The following ZMIZ2 variants were observed in gnomAD, a reference collection of about 807,000 sequenced individuals.
ZMIZ2 encodes the protein zinc finger MIZ domain-containing protein 2.
In ZMIZ2, 26 loss-of-function variants were observed where a neutral mutation model predicts 93.9. The observed-to-expected ratio is 0.28, with a 90% CI of 0.20 to 0.38. The LOEUF is 0.38. Among genes scored for constraint, ZMIZ2 ranks in the 10% least tolerant of loss-of-function variants. The probability of loss-of-function intolerance (pLI) is 1.00; values close to 1 mark genes in which losing one functional copy is unlikely to be tolerated. For missense variants in ZMIZ2, 1,023 were observed against 1,235.0 expected (o/e 0.83, Z 2.57); for synonymous variants, 485 against 516.4 (o/e 0.94, Z 0.82).
At chr7:44,750,322 C>G (rs778352849) in intron 1 of ZMIZ2, among the ~76,000 whole-genome samples, 1 of 152,196 alleles carries the variant, frequency 6.6e-6, no homozygotes, top group Non-Finnish European at 1.5e-5. Flanking sequence ...CTTAGCCCCA[C>G]GCTTAGACAT....
chr7:44,766,216 G>A lies in ZMIZ2; in HGVS notation c.2295G>A (p.Thr765=), dbSNP rs756992774. 5 of 745,104 alleles carry A rather than the reference G, an allele frequency of 6.7e-6. No individual in the cohort carries two copies. Among genetic ancestry groups the A allele is most frequent in the East Asian group, 9.1e-5 (2 of 22,038 alleles). 46.2% of individuals were successfully genotyped at this position (745,104 alleles called of 1,614,324 possible). A position where few individuals can be genotyped will look rare whatever the true frequency, so the allele number is the denominator to read the frequency against. The change falls in exon 17 of 19, where the codon ACG becomes ACA. Residue 765 remains threonine, a synonymous_variant. Coordinates refer to ENST00000309315, the MANE Select transcript of ZMIZ2 (RefSeq NM_031449.4). This position sits in a 1 kb window ranked among gnomAD's most constrained non-coding sequence, Gnocchi z 4.4. ...TCCCTGAGTCCTTCCCACCCACCAC[G>A]CCCAGCACCCCAACCCTTGCTGAGT... ...GTFPESFPPT[T]PSTPTLAEFT...
intron 1 of ZMIZ2, among the ~76,000 whole-genome samples, chr7:44,753,433 C>A (rs952768339): frequency 5.3e-5 from 8 of 151,938 alleles, no homozygotes; most frequent in African/African-American, 1.9e-4. Context: ...CTTGAGGAGT[C>A]GGGGGTCTCA....
At chr7:44,764,195 G>A (rs575011529) in intron 13 of ZMIZ2, among the ~76,000 whole-genome samples, 2 of 152,302 alleles carry the variant, frequency 1.3e-5, no homozygotes, top group East Asian at 1.9e-4. Flanking sequence ...ACAGCTGCCC[G>A]ATGCTTGCTT....
intron 6 of ZMIZ2, among the ~76,000 whole-genome samples, 193 bp downstream of exon 6, chr7:44,758,301 G>A (rs1790797591): frequency 6.6e-6 from 1 of 152,018 alleles, no homozygotes; most frequent in Admixed American, 6.6e-5. Flanking sequence ...GCAACATGGC[G>A]AAACCGTGTC....
chr7:44,768,174 T>C lies in ZMIZ2; in HGVS notation c.*551T>C, dbSNP rs565274523. The C allele has an allele frequency of 1.3e-3, 206 of 161,816 alleles. 2 individuals carry two copies. The highest frequency in any genetic ancestry group is 2.0e-4 in the Non-Finnish European group (15 of 74,002). The allele number at this position is 161,816 out of a possible 1,614,324, so 10.0% of individuals were successfully genotyped here. On this transcript the variant is annotated 3_prime_UTR_variant, in exon 19 of 19. Transcript: ENST00000309315. ...GCCTGGAGCTCTGGCAGCCCAGCCG[T>C]GTGTGGTGTCAGGTTCCTCTCCCCA... is the stretch of plus-strand genomic sequence containing the variant.
At chr7:44,758,645 G>A (rs1469354909) in intron 6 of ZMIZ2, among the ~76,000 whole-genome samples, 2 of 151,824 alleles carry the variant, frequency 1.3e-5, no homozygotes, top group African/African-American at 4.8e-5. Context: ...GGGCGCGGTG[G>A]CTCACGCCTG....
At chr7:44,752,687 T>C (rs1244890922) in intron 1 of ZMIZ2, among the ~76,000 whole-genome samples, 1 of 152,222 alleles carries the variant, frequency 6.6e-6, no homozygotes, top group Non-Finnish European at 1.5e-5. Context: ...GTTGCATATA[T>C]CAGTAGTTCA....
intron 7 of ZMIZ2, chr7:44,759,903 C>T (rs941741195): frequency 1.1e-5 from 6 of 554,842 alleles, no homozygotes; most frequent in East Asian, 3.3e-5. Flanking sequence ...CTGGGTGCGC[C>T]GGGTGGTGCA....
chr7:44,765,442 G>A lies in ZMIZ2; in HGVS notation c.2105G>A (p.Arg702His), dbSNP rs535580978. 126 of 1,608,752 alleles carry A rather than the reference G, an allele frequency of 7.8e-5. No homozygotes were observed. Among genetic ancestry groups the A allele is most frequent in the Non-Finnish European group, 9.7e-5 (114 of 1,179,920 alleles). ...KEEPDGPALK[R>H]CRTVSPAHVL... is the part of the protein sequence containing the mutation. ...GAGCCGGATGGGCCAGCACTGAAGC[G>A]CTGCCGCACCGTGAGCCCCGCCCAC... The change falls in exon 16 of 19, where the codon CGC (arginine) becomes CAC (histidine). Residue 702 changes from arginine to histidine, a missense_variant. By Grantham distance (29) the Arg-to-His change is conservative. Transcript: ENST00000309315. This position sits in a 1 kb window ranked among gnomAD's most constrained non-coding sequence, Gnocchi z 4.1.
rs1046380424 is a variant in ZMIZ2 at position 44,765,950 on chromosome 7, G to T, written c.2243-214G>T. 5 of 1,400,458 alleles carry T rather than the reference G, an allele frequency of 3.6e-6. No individual in the cohort carries two copies. The African/African-American group carries it at 7.3e-5, about 20-fold the overall frequency. 86.8% of individuals were successfully genotyped at this position (1,400,458 alleles called of 1,614,324 possible). Reference sequence around the variant, plus strand: ...GGCTGCTCCCATTCCTATAACCTCCGAGACCTTCACTCCTAGGAATGTCCC... The same window carrying T: ...GGCTGCTCCCATTCCTATAACCTCCTAGACCTTCACTCCTAGGAATGTCCC... On this transcript the variant is annotated intron_variant, in intron 16 of 18. Transcript: ENST00000309315. The surrounding 1 kb of genome is among the most constrained non-coding windows in gnomAD (Gnocchi z 4.1).
At chr7:44,749,658 C>T (rs752679583) in intron 1 of ZMIZ2, among the ~76,000 whole-genome samples, 2 of 152,218 alleles carry the variant, frequency 1.3e-5, no homozygotes, top group Non-Finnish European at 2.9e-5. Context: ...GCGGCACCCC[C>T]ACCCGGTGCC....
rs201213111 is a variant in ZMIZ2 at position 44,756,437 on chromosome 7, C to T, written c.63C>T (p.Phe21=). 19 of 1,614,046 alleles carry T rather than the reference C, an allele frequency of 1.2e-5. No homozygotes were observed. The highest frequency in any genetic ancestry group is 1.6e-4 in the Middle Eastern group (1 of 6,062). Reference sequence around the variant, plus strand: ...TCTTTCCCTGCAGTGATGGTTCATTCGCATATGAGTCTGTGCCTTGGCAAC... The same window carrying T: ...TCTTTCCCTGCAGTGATGGTTCATTTGCATATGAGTCTGTGCCTTGGCAAC... ...LPPAPHGDGS[F]AYESVPWQQS... Residue 21 remains phenylalanine (F), a synonymous_variant, in exon 3 of 19, where the codon TTC becomes TTT. Coordinates refer to ENST00000309315, the MANE Select transcript of ZMIZ2 (RefSeq NM_031449.4).
chr7:44,766,079 A>G lies in ZMIZ2; in HGVS notation c.2243-85A>G, dbSNP rs1247115712. 6.7e-7 allele frequency: 1 copy of G among 1,500,996 alleles called. No individual in the cohort carries two copies. The highest frequency in any genetic ancestry group is 1.3e-5 in the South Asian group (1 of 74,682). 93.0% of individuals were successfully genotyped at this position (1,500,996 alleles called of 1,614,324 possible). ...TGGGTGAGCACTGCAAGTCCCACCC[A>G]TGCCACAGCCAGCCTCCCTCCTGGC... On this transcript the variant is annotated intron_variant, in intron 16 of 18. Coordinates refer to ENST00000309315, the MANE Select transcript of ZMIZ2 (RefSeq NM_031449.4). This position sits in a 1 kb window ranked among gnomAD's most constrained non-coding sequence, Gnocchi z 4.4.
At position 44,760,458 on chromosome 7, in the gene ZMIZ2, C is replaced by G. The variant is rs893812456; in HGVS notation, c.1105C>G (p.Pro369Ala). 3.1e-6 allele frequency: 5 copies of G among 1,614,146 alleles called. No homozygotes were observed. Among genetic ancestry groups the G allele is most frequent in the Non-Finnish European group, 4.2e-6 (5 of 1,180,004 alleles). Residue 369 changes from proline (P) to alanine (A), a missense_variant, in exon 9 of 19, where the codon CCA becomes GCA. This residue lies in a region of ZMIZ2 where 656 missense variants were observed against 777.1 expected (regional missense o/e 0.84). Coordinates refer to ENST00000309315, the MANE Select transcript of ZMIZ2 (RefSeq NM_031449.4). The stretch of plus-strand genomic sequence containing the variant: ...TTCCATCCCGGGCTATCCCAGTTCC[C>G]CACTGCCAGGGAACCCCACGCCACC... ...TRSIPGYPSS[P>A]LPGNPTPPMT...
chr7:44,764,898 G>T (rs774653939), intron 14 of ZMIZ2, 43 bp from the exon 15 acceptor site: 2 of 1,608,288 alleles, frequency 1.2e-6, no homozygotes, highest in Non-Finnish European at 1.7e-6. Context: ...CCAGGACAGG[G>T]TTGTGCAAGG....
Position 44,765,684 on chromosome 7 carries a change from C to T in ZMIZ2, c.2242+105C>T. 6.8e-7 allele frequency: 1 copy of T among 1,466,612 alleles called. No individual in the cohort carries two copies. The highest frequency in any genetic ancestry group is 9.2e-7 in the Non-Finnish European group (1 of 1,091,458). 90.8% of individuals were successfully genotyped at this position (1,466,612 alleles called of 1,614,324 possible). On this transcript the variant is annotated intron_variant, in intron 16 of 18. Coordinates refer to ENST00000309315, the MANE Select transcript of ZMIZ2 (RefSeq NM_031449.4). The surrounding 1 kb of genome is among the most constrained non-coding windows in gnomAD (Gnocchi z 4.1). ...CAAGAATGTGGCTATGCAGGTCACA[C>T]ACCTAGGTTATCAGTGTTGCCACAC...
chr7:44,758,820 A>G (rs1290093479), intron 6 of ZMIZ2, among the ~76,000 whole-genome samples: 1 of 151,692 alleles, frequency 6.6e-6, no homozygotes, highest in Non-Finnish European at 1.5e-5. Flanking sequence ...AGGCTGAGGC[A>G]GGAGAATTGC....
In ZMIZ2 at chr7:44,757,796, T is replaced by C. The variant is rs1340109837; in HGVS notation, c.553-52T>C. 3 of 1,511,886 alleles carry C rather than the reference T, an allele frequency of 2.0e-6. No homozygotes were observed. In the Admixed American group the frequency reaches 6.7e-5, roughly 34 times the overall value. 93.7% of individuals were successfully genotyped at this position (1,511,886 alleles called of 1,614,324 possible). On this transcript the variant is annotated intron_variant, in intron 5 of 18. Transcript: ENST00000309315. ...GTGGGCGGGTTTTATGCCTATCTTT[T>C]GGAGCCCTTTGTGGGTGGGACCTGG...
chr7:44,767,422 C>T (rs1355146006), intron 18 of ZMIZ2, 94 bp from the exon 19 acceptor site: 2 of 1,111,820 alleles, frequency 1.8e-6, no homozygotes, highest in Non-Finnish European at 2.7e-6. Context: ...CCCCACTGTG[C>T]CTGGAGACAG....
Sources: allele counts gnomAD v4.1 joint callset (sites outside exome capture counted in the v4.1 genomes callset), GRCh38; gene constraint gnomAD v4.1.1; regional missense constraint gnomAD v4.1.1; non-coding constraint Gnocchi (gnomAD v3.1); transcripts MANE v1.5; gene names NCBI Gene and HGNC (gene_info 2026-07-23, HGNC 2026-07-21).